The following PQBP1 variants were observed in gnomAD, a reference collection of about 807,000 sequenced individuals.
PQBP1 encodes the protein polyglutamine binding protein 1.
A neutral mutation model predicts 20.9 loss-of-function variants in PQBP1; 3 were observed. That is an observed-to-expected ratio of 0.14 (90% CI 0.07 to 0.37). The LOEUF is 0.37. Among genes scored for constraint, PQBP1 ranks in the 10% least tolerant of loss-of-function variants. PQBP1 has a pLI of 1.00. For missense variants in PQBP1, 162 were observed against 240.3 expected (o/e 0.67, Z 2.16); for synonymous variants, 83 against 93.8 (o/e 0.88, Z 0.67).
chrX:48,902,427 C>G lies in PQBP1; in HGVS notation c.487C>G (p.Arg163Gly). Residue 163 changes from arginine (R) to glycine (G), a missense_variant, in exon 5 of 7, where the codon CGC becomes GGC. Physicochemically the swap from Arg to Gly is moderately radical, Grantham distance 125. Transcript: ENST00000447146. ...GCGAGACAGGGAACGGGATCGGGACCGCGGGTATGACAAGGCAGACCGGGA... is the reference window on the plus strand; with the variant it reads ...GCGAGACAGGGAACGGGATCGGGACGGCGGGTATGACAAGGCAGACCGGGA... ...RERDRERDRD[R>G]GYDKADREEG... 8.3e-7 allele frequency: 1 copy of G among 1,208,597 alleles called. No individual in the cohort carries two copies. Among genetic ancestry groups the G allele is most frequent in the South Asian group, 1.8e-5 (1 of 56,290 alleles).
rs782427442 is a variant in PQBP1, at chrX:48,898,976, A to ATT, written c.67+418_67+419dup. ...ACGCCCCGCCCCACCACACCTGGCA[A>ATT]TTTTTTTTTTTTTTTTTTTGAGACA... On this transcript the variant is annotated intron_variant, in intron 2 of 6. Coordinates refer to ENST00000447146, the MANE Select transcript of PQBP1 (RefSeq NM_001032382.2). 9.2e-4 allele frequency among the ~76,000 whole-genome samples: 50 copies of ATT among 54,081 alleles called. 1 individual carries two copies. Among genetic ancestry groups the ATT allele is most frequent in the African/African-American group, 2.4e-3 (32 of 13,244 alleles). 47.0% of individuals were successfully genotyped at this position (54,081 alleles called of 115,157 possible).
At chrX:48,898,929 C>T (rs1420724847) in intron 2 of PQBP1, among the ~76,000 whole-genome samples, 2 of 99,262 alleles carry the variant, frequency 2.0e-5, no homozygotes, top group Non-Finnish European at 4.0e-5. Context: ...CCTTAACTTC[C>T]CGAGTAGTTG....
intron 2 of PQBP1, among the ~76,000 whole-genome samples, chrX:48,900,438 C>T (rs782223652): frequency 1.9e-5 from 2 of 105,245 alleles, no homozygotes; most frequent in East Asian, 6.1e-4. Context: ...GGACCACAGG[C>T]GTGCTCCACT....
In PQBP1 at chrX:48,903,070, AAGC is replaced by A; in HGVS notation, c.790_792del (p.Gln264del). 1 of 1,207,796 alleles carries A rather than the reference AAGC, an allele frequency of 8.3e-7. No homozygotes were observed. Among genetic ancestry groups the A allele is most frequent in the Non-Finnish European group, 1.1e-6 (1 of 893,608 alleles). On this transcript the variant is annotated inframe_deletion, in exon 7 of 7. Transcript: ENST00000447146. ...GGCCAATGCAGAGGCCTCCCGAACC[AAGC>A]AGCAGGATTGAAGCTTCGGCCTCCC...
chrX:48,900,721 T>A (rs2147466123), intron 2 of PQBP1, among the ~76,000 whole-genome samples: 1 of 109,576 alleles, frequency 9.1e-6, no homozygotes, highest in South Asian at 3.9e-4. Flanking sequence ...TGTGCCCAGC[T>A]AATTTTTTTT....
intron 1 of PQBP1, 97 bp from the exon 2 acceptor site, chrX:48,898,395 A>C: frequency 1.3e-6 from 1 of 757,324 alleles, no homozygotes; most frequent in Non-Finnish European, 2.0e-6. Context: ...AGTAGATCGG[A>C]GTCAGATGAG....
In PQBP1 at chrX:48,902,806, A is replaced by G. The variant is rs2063444991; in HGVS notation, c.641+11A>G. 1 of 1,194,690 alleles carries G rather than the reference A, an allele frequency of 8.4e-7. No individual in the cohort carries two copies. Among genetic ancestry groups the G allele is most frequent in the South Asian group, 1.8e-5 (1 of 54,583 alleles). ...CTCAGACGCCCCCCGGTAAGTGACA[A>G]CCCCTCTTGACTCAGTACGTGGACA... On this transcript the variant is annotated intron_variant, in intron 6 of 6. Transcript: ENST00000447146.
At position 48,901,224 on chromosome X, in the gene PQBP1, C is replaced by T. The variant is rs143156492; in HGVS notation, c.102C>T (p.Asp34=). The T allele has an allele frequency of 2.0e-5, 24 of 1,208,060 alleles. No homozygotes were observed. Among genetic ancestry groups the T allele is most frequent in the Non-Finnish European group, 2.5e-5 (22 of 894,467 alleles). The change falls in exon 3 of 7, where the codon GAC becomes GAT. Residue 34 remains aspartate (D), a synonymous_variant. Transcript: ENST00000447146. Reference sequence around the variant, plus strand: ...AAGAGATCATTGCCGAGGACTATGACGATGATCCTGTGGACTACGAGGCCA... The same window carrying T: ...AAGAGATCATTGCCGAGGACTATGATGATGATCCTGTGGACTACGAGGCCA... The part of the protein sequence containing the change: ...PEEEIIAEDY[D]DDPVDYEATR...
At chrX:48,901,747 G>A in intron 3 of PQBP1, 183 bp from the exon 4 acceptor site, 1 of 861,502 alleles carries the variant, frequency 1.2e-6, no homozygotes, top group East Asian at 3.6e-5. Context: ...CCAAAGTGCT[G>A]GGATTACAGG....
At chrX:48,901,034 A>G (rs1392443939) in intron 2 of PQBP1, among the ~76,000 whole-genome samples, 156 bp from the exon 3 acceptor site, 3 of 111,635 alleles carry the variant, frequency 2.7e-5, no homozygotes, top group Non-Finnish European at 5.7e-5. Flanking sequence ...TTGGATTTGG[A>G]ATGTGAAAGA....
rs782309383 is a variant in PQBP1, at chrX:48,902,421, C to T, written c.481C>T (p.Arg161Trp). The change falls in exon 5 of 7, where the codon CGG becomes TGG. Residue 161 changes from arginine to tryptophan, a missense_variant. Transcript: ENST00000447146. ...RERERDRERDRDRGYDKADRE... is the reference protein window; with the variant it reads ...RERERDRERDWDRGYDKADRE... ...GAGAGAGCGAGACAGGGAACGGGAT[C>T]GGGACCGCGGGTATGACAAGGCAGA... 3 of 1,206,084 alleles carry T rather than the reference C, an allele frequency of 2.5e-6. No homozygotes were observed. Among genetic ancestry groups the T allele is most frequent in the South Asian group, 1.8e-5 (1 of 56,029 alleles).
Position 48,902,836 on chromosome X carries a change from C to T in PQBP1, c.641+41C>T, listed in dbSNP as rs782630777. On this transcript the variant is annotated intron_variant, in intron 6 of 6. Transcript: ENST00000447146. ...TCTTGACTCAGTACGTGGACACCAT[C>T]CTCCGGCCTCCTTCCTCCATTCCTC... 9.0e-5 allele frequency: 107 copies of T among 1,184,736 alleles called. No homozygotes were observed. In the Admixed American group the frequency reaches 2.4e-3, roughly 27 times the overall value.
intron 3 of PQBP1, chrX:48,901,550 C>A: frequency 3.1e-6 from 2 of 651,437 alleles, no homozygotes; most frequent in Non-Finnish European, 4.7e-6. Context: ...GTGATCTCGG[C>A]TTATGGCAAC....
chrX:48,902,745 G>T lies in PQBP1; in HGVS notation c.591G>T (p.Lys197Asn), dbSNP rs1451828454. The T allele has an allele frequency of 8.3e-7, 1 of 1,201,114 alleles. No homozygotes were observed. The highest frequency in any genetic ancestry group is 1.8e-5 in the African/African-American group (1 of 56,357). Residue 197 changes from lysine to asparagine, a missense_variant, in exon 6 of 7, where the codon AAG becomes AAT. By Grantham distance (94) the Lys-to-Asn change is moderately conservative (BLOSUM62 0). Coordinates refer to ENST00000447146, the MANE Select transcript of PQBP1 (RefSeq NM_001032382.2). ...CCACTTCCACAGCAGTAAGCCGAAA[G>T]GATGAAGAGTTAGACCCCATGGACC... ...YPKSKKAVSRKDEELDPMDPS... is the reference protein window; with the variant it reads ...YPKSKKAVSRNDEELDPMDPS...
Position 48,902,416 on chromosome X carries a change from G to A in PQBP1, c.476G>A (p.Arg159Gln), listed in dbSNP as rs1354549597. Reference sequence around the variant, plus strand: ...AGAGAGAGAGAGCGAGACAGGGAACGGGATCGGGACCGCGGGTATGACAAG... The same window carrying A: ...AGAGAGAGAGAGCGAGACAGGGAACAGGATCGGGACCGCGGGTATGACAAG... Reference protein sequence around the residue: ...VDRERERDRERDRDRGYDKAD... With the variant: ...VDRERERDREQDRDRGYDKAD... Residue 159 changes from arginine (R) to glutamine (Q), a missense_variant, in exon 5 of 7, where the codon CGG becomes CAG. Physicochemically the swap from Arg to Gln is conservative, Grantham distance 43. Coordinates refer to ENST00000447146, the MANE Select transcript of PQBP1 (RefSeq NM_001032382.2). 6 of 1,207,225 alleles carry A rather than the reference G, an allele frequency of 5.0e-6. No individual in the cohort carries two copies. The highest frequency in any genetic ancestry group is 1.8e-5 in the South Asian group (1 of 56,251).
Position 48,901,213 on chromosome X carries a change from G to A in PQBP1, c.91G>A (p.Glu31Lys). Residue 31 changes from glutamate (E) to lysine (K), a missense_variant, in exon 3 of 7, where the codon GAG (glutamate) becomes AAG (lysine). Transcript: ENST00000447146. ...AGAACCAGAGGAAGAGATCATTGCC[G>A]AGGACTATGACGATGATCCTGTGGA... ...EPEPEEEIIAEDYDDDPVDYE... is the reference protein window; with the variant it reads ...EPEPEEEIIAKDYDDDPVDYE... 1 of 1,209,640 alleles carries A rather than the reference G, an allele frequency of 8.3e-7. No homozygotes were observed. Among genetic ancestry groups the A allele is most frequent in the Non-Finnish European group, 1.1e-6 (1 of 894,644 alleles).
intron 2 of PQBP1, among the ~76,000 whole-genome samples, chrX:48,900,723 AT>A (rs1177978545): frequency 3.1e-4 from 32 of 102,854 alleles, no homozygotes; most frequent in Admixed American, 4.2e-4. Flanking sequence ...TGCCCAGCTA[AT>A]TTTTTTTTTT....
At chrX:48,902,846 C>A in intron 6 of PQBP1, 51 bp downstream of exon 6, 3 of 1,187,035 alleles carry the variant, frequency 2.5e-6, no homozygotes, top group Non-Finnish European at 3.4e-6. Flanking sequence ...CCTCCGGCCT[C>A]CTTCCTCCAT....
At chrX:48,900,257 A>G (rs1186371649) in intron 2 of PQBP1, among the ~76,000 whole-genome samples, 1 of 106,508 alleles carries the variant, frequency 9.4e-6, no homozygotes, top group Admixed American at 1.0e-4. Flanking sequence ...TCTCAAAAAA[A>G]TAAAACTGGC....
Sources: allele counts gnomAD v4.1 joint callset (sites outside exome capture counted in the v4.1 genomes callset), GRCh38; gene constraint gnomAD v4.1.1; transcripts MANE v1.5; gene names NCBI Gene and HGNC (gene_info 2026-07-23, HGNC 2026-07-21).